Variants in CD96 observed in about 807,000 individuals in gnomAD.
CD96 encodes the protein T-cell surface protein tactile.
CD96 carries 70 observed loss-of-function variants against 71.3 expected under a neutral mutation model. The ratio of observed to expected loss-of-function variants is 0.98; its 90% CI spans 0.81 to 1.20. CD96 has a LOEUF of 1.20. Ranked by LOEUF, CD96 falls within the 50% of genes most tolerant of loss-of-function variation. The pLI, the probability that CD96 is intolerant of heterozygous loss-of-function variation, is 0.00. For synonymous variants in CD96, 248 were observed against 233.0 expected, an observed-to-expected ratio of 1.06 and a Z score of -0.59; for missense variants, 742 against 677.5, an observed-to-expected ratio of 1.10 and a Z score of -1.06.
intron 8 of CD96, among the ~76,000 whole-genome samples, chr3:111,611,177 G>T (rs1189347923): frequency 6.6e-6 from 1 of 152,020 alleles, no homozygotes. Context: ...TCACTATCTG[G>T]GTCTTTCTAT....
Position 111,567,553 on chromosome 3 carries a change from C to A in CD96, c.449C>A (p.Thr150Lys), listed in dbSNP as rs149798144. 3 of 1,602,838 alleles carry A rather than the reference C, an allele frequency of 1.9e-6. No individual in the cohort carries two copies. The highest frequency in any genetic ancestry group is 1.3e-5 in the African/African-American group (1 of 74,618). The change falls in exon 3 of 14, where the codon ACG becomes AAG. Residue 150 changes from threonine to lysine, a missense_variant. Coordinates refer to ENST00000352690, the MANE Select transcript of CD96 (RefSeq NM_005816.5). Reference protein sequence around the residue: ...VTADEWNSNHTIEIEINQTLE... With the variant: ...VTADEWNSNHKIEIEINQTLE... ...GCAGATGAATGGAACAGCAACCATA[C>A]GATAGAAATAGAGATAAATCAGACT...
At chr3:111,642,173 A>G (rs988016592) in intron 12 of CD96, among the ~76,000 whole-genome samples, 4 of 152,222 alleles carry the variant, frequency 2.6e-5, no homozygotes, top group Non-Finnish European at 5.9e-5. Context: ...TGAAACAACA[A>G]CAACAAAAAT....
intron 8 of CD96, among the ~76,000 whole-genome samples, chr3:111,608,630 A>G (rs1429585488): frequency 6.6e-6 from 1 of 152,176 alleles, no homozygotes; most frequent in Admixed American, 6.5e-5. Flanking sequence ...GTTATGACCA[A>G]ATTTAGTTCT....
chr3:111,616,453 G>C (rs997512497), intron 8 of CD96, among the ~76,000 whole-genome samples: 1 of 151,988 alleles, frequency 6.6e-6, no homozygotes, highest in Non-Finnish European at 1.5e-5. Context: ...GCTGAAAGGT[G>C]GTGGTGGGAC....
chr3:111,586,501 T>G (rs547899427), intron 5 of CD96, among the ~76,000 whole-genome samples: 1 of 152,308 alleles, frequency 6.6e-6, no homozygotes, highest in South Asian at 2.1e-4. Flanking sequence ...TAACTGCTTG[T>G]ATTAGTCCAT....
intron 3 of CD96, among the ~76,000 whole-genome samples, chr3:111,573,620 G>A (rs570128105): frequency 3.6e-4 from 53 of 146,198 alleles, no homozygotes; most frequent in African/African-American, 1.1e-3. Context: ...AGAAATTCAC[G>A]ATTTTTCTCT....
chr3:111,614,365 G>A (rs1405630468), intron 8 of CD96, among the ~76,000 whole-genome samples: 1 of 152,162 alleles, frequency 6.6e-6, no homozygotes, highest in Non-Finnish European at 1.5e-5. Context: ...GGTAAGGAAG[G>A]AACTTCCTTA....
At chr3:111,622,549 C>T (rs1938565718) in intron 8 of CD96, among the ~76,000 whole-genome samples, 1 of 152,090 alleles carries the variant, frequency 6.6e-6, no homozygotes, top group African/African-American at 2.4e-5. Flanking sequence ...ACCACAATGC[C>T]AACTTATTCA....
At chr3:111,581,850 C>A (rs61139469) in intron 4 of CD96, among the ~76,000 whole-genome samples, 4 of 152,070 alleles carry the variant, frequency 2.6e-5, no homozygotes, top group African/African-American at 9.7e-5. Context: ...AATAAAACAT[C>A]GAGATAAGGA....
intron 2 of CD96, among the ~76,000 whole-genome samples, chr3:111,565,358 A>G (rs1235542522): frequency 1.3e-5 from 2 of 152,008 alleles, no homozygotes; most frequent in Non-Finnish European, 2.9e-5. Context: ...CTTTGTTTTT[A>G]TAGAGGGTTT....
At chr3:111,618,903 T>A (rs997759773) in intron 8 of CD96, among the ~76,000 whole-genome samples, 1 of 152,186 alleles carries the variant, frequency 6.6e-6, no homozygotes, top group African/African-American at 2.4e-5. Flanking sequence ...GCTTATTCTT[T>A]ATGCTCCACT....
chr3:111,590,483 G>A (rs1226742366), intron 5 of CD96, among the ~76,000 whole-genome samples: 1 of 152,174 alleles, frequency 6.6e-6, no homozygotes, highest in Non-Finnish European at 1.5e-5. Flanking sequence ...TGTGTTATTA[G>A]TTAAACTTAC....
At chr3:111,637,802 T>C (rs1939402792) in intron 11 of CD96, among the ~76,000 whole-genome samples, 1 of 151,916 alleles carries the variant, frequency 6.6e-6, no homozygotes. Context: ...CTTCTTTTTT[T>C]TTTTTTTCAA....
chr3:111,606,909 A>T, intron 8 of CD96, 117 bp downstream of exon 8: 1 of 737,816 alleles, frequency 1.4e-6, no homozygotes, highest in Non-Finnish European at 2.5e-6. Context: ...TTGGGGCTGA[A>T]ATTGGGTTTT....
chr3:111,607,232 C>T (rs1937661041), intron 8 of CD96, among the ~76,000 whole-genome samples: 1 of 152,050 alleles, frequency 6.6e-6, no homozygotes, highest in South Asian at 2.1e-4. Context: ...CAGTCATTCT[C>T]CAAAACAATG....
chr3:111,644,395 G>T (rs1939732017), intron 12 of CD96, among the ~76,000 whole-genome samples: 1 of 152,142 alleles, frequency 6.6e-6, no homozygotes, highest in Admixed American at 6.5e-5. Context: ...CTAGACATGA[G>T]CTCAGGCAAG....
intron 3 of CD96, among the ~76,000 whole-genome samples, chr3:111,574,788 A>AT (rs5851773): frequency 0.27 from 39,671 of 148,318 alleles, 5,465 homozygotes; most frequent in African/African-American, 0.3. Flanking sequence ...GAATTTTTAG[A>AT]TTTTTTTTTT....
At chr3:111,561,287 G>A (rs1935384574) in intron 2 of CD96, among the ~76,000 whole-genome samples, 1 of 150,354 alleles carries the variant, frequency 6.7e-6, no homozygotes, top group East Asian at 2.0e-4. Context: ...GAGGCGCTCT[G>A]CGTTTTAGAG....
chr3:111,609,121 T>C (rs773587805), intron 8 of CD96, among the ~76,000 whole-genome samples: 3 of 152,198 alleles, frequency 2.0e-5, no homozygotes, highest in African/African-American at 7.2e-5. Flanking sequence ...CGAAAGAACG[T>C]TCTAAACAGA....
Sources: gnomAD v4.1 joint callset for allele counts (sites outside exome capture counted in the v4.1 genomes callset) on GRCh38, gnomAD v4.1.1 for gene constraint, MANE v1.5 for transcripts, NCBI Gene and HGNC (gene_info 2026-07-23, HGNC 2026-07-21) for gene names.